Variants in LITAF observed in about 807,000 individuals in gnomAD.
LITAF encodes the protein lipopolysaccharide-induced tumor necrosis factor-alpha factor.
LITAF carries 9 observed loss-of-function variants against 14.5 expected under a neutral mutation model. The observed-to-expected ratio is 0.62, with a 90% CI of 0.37 to 1.08. The LOEUF (loss-of-function observed/expected upper bound fraction) is 1.08, where lower values mean the gene tolerates loss of function less well. LITAF is among the 50% of genes least tolerant of loss of function. The pLI is 0.01. For missense variants in LITAF, 206 were observed against 213.4 expected, an observed-to-expected ratio of 0.97 and a Z score of 0.22; for synonymous variants, 98 against 88.2, an observed-to-expected ratio of 1.11 and a Z score of -0.62.
intron 3 of LITAF, among the ~76,000 whole-genome samples, chr16:11,552,807 C>A (rs901394977): frequency 1.4e-4 from 22 of 152,080 alleles, no homozygotes; most frequent in Admixed American, 2.6e-4. Context: ...GCACAGGACA[C>A]CCCCTACAAT....
intron 1 of LITAF, among the ~76,000 whole-genome samples, chr16:11,596,023 C>T (rs921016243): frequency 1.1e-4 from 17 of 152,268 alleles, no homozygotes; most frequent in Admixed American, 7.2e-4. Context: ...CGGCCTGGCT[C>T]CAAGTCCATG....
In LITAF at chr16:11,548,004, G is replaced by C; in HGVS notation, c.*1633C>G. On this transcript the variant is annotated 3_prime_UTR_variant, in exon 4 of 4. Coordinates refer to ENST00000622633, the MANE Select transcript of LITAF (RefSeq NM_001136472.2). Reference sequence around the variant, plus strand: ...AAAAGAACTCATAAATAGTTCACCGGGTGAACCAAAGACTTTATTTTTCAA... The same window carrying C: ...AAAAGAACTCATAAATAGTTCACCGCGTGAACCAAAGACTTTATTTTTCAA... 4 of 454,024 alleles carry C rather than the reference G, an allele frequency of 8.8e-6. No individual in the cohort carries two copies. Among genetic ancestry groups the C allele is most frequent in the South Asian group, 3.1e-5 (2 of 64,476 alleles). The allele number at this position is 454,024 out of a possible 1,614,324, so 28.1% of individuals were successfully genotyped here.
chr16:11,636,505 C>A (rs2065138932), upstream of LITAF: 1 of 152,320 alleles, frequency 6.6e-6, no homozygotes, highest in Admixed American at 6.5e-5. Flanking sequence ...CTGGTTAGGA[C>A]TAGGTGTACC....
chr16:11,630,043 G>T (rs556353867), intron 3 of LITAF, among the ~76,000 whole-genome samples: 2 of 152,142 alleles, frequency 1.3e-5, no homozygotes, highest in Non-Finnish European at 2.9e-5. Context: ...GGTGCTCAGC[G>T]CACTTCTATC....
At chr16:11,616,898 C>T (rs1046780916) in intron 3 of LITAF, among the ~76,000 whole-genome samples, 4 of 118,402 alleles carry the variant, frequency 3.4e-5, no homozygotes, top group African/African-American at 1.4e-4. Flanking sequence ...GGAAAGAGAG[C>T]AAGACTCTAT....
In LITAF at chr16:11,595,384, C is replaced by A. The variant is rs569584164; in HGVS notation, c.-6+3004G>T. The stretch of plus-strand genomic sequence containing the variant: ...CAAGATGGAGCTGAAACGGGGTGAG[C>A]TCATGGGCAGAGGGAGGCTTTAGGG... On this transcript the variant is annotated intron_variant, in intron 1 of 3. Transcript: ENST00000571627. Among the ~76,000 whole-genome samples, 16 of 152,208 alleles carry A rather than the reference C, an allele frequency of 1.1e-4. No individual in the cohort carries two copies. The South Asian group carries it at 3.3e-3, about 32-fold the overall frequency.
At chr16:11,595,042 A>C (rs949879385) in intron 1 of LITAF, among the ~76,000 whole-genome samples, 7 of 152,166 alleles carry the variant, frequency 4.6e-5, no homozygotes, top group Non-Finnish European at 7.3e-5. Context: ...TTATTGAAAA[A>C]AACTAATCTC....
intron 1 of LITAF, among the ~76,000 whole-genome samples, chr16:11,572,491 T>A (rs942221968): frequency 6.6e-6 from 1 of 151,014 alleles, no homozygotes; most frequent in African/African-American, 2.5e-5. Context: ...ATCACACACC[T>A]GCTGACGGGA....
chr16:11,633,025 G>A (rs1239562730), intron 3 of LITAF, among the ~76,000 whole-genome samples: 2 of 152,166 alleles, frequency 1.3e-5, no homozygotes, highest in African/African-American at 4.8e-5. Flanking sequence ...CCCTCTTGGA[G>A]GCCCTACTTT....
At chr16:11,567,767 T>C (rs904516576) in intron 1 of LITAF, among the ~76,000 whole-genome samples, 1 of 151,780 alleles carries the variant, frequency 6.6e-6, no homozygotes, top group African/African-American at 2.4e-5. Flanking sequence ...GGCGGATCAC[T>C]GGAGGTCAGG....
chr16:11,556,525 G>A lies in LITAF; in HGVS notation c.206C>T (p.Pro69Leu). The A allele has an allele frequency of 6.2e-7, 1 of 1,613,866 alleles. No individual in the cohort carries two copies. Among genetic ancestry groups the A allele is most frequent in the Non-Finnish European group, 8.5e-7 (1 of 1,179,778 alleles). ...GCCACACGTACTTGGATTGTTATTG[G>A]GGATGGGCGCTGGCTGGGTATAATA... ...PSYYTQPAPI[P>L]NNNPITVQTV... is the part of the protein sequence containing the mutation. Residue 69 changes from proline to leucine, a missense_variant, in exon 2 of 4, where the codon CCC (proline) becomes CTC (leucine). Coordinates refer to ENST00000622633, the MANE Select transcript of LITAF (RefSeq NM_001136472.2).
upstream of LITAF, among the ~76,000 whole-genome samples, chr16:11,638,969 G>T (rs2065153925): frequency 2.0e-5 from 3 of 152,010 alleles, no homozygotes; most frequent in Admixed American, 2.0e-4. Context: ...AAGGAAATGG[G>T]TACTGACGTC....
upstream of LITAF, among the ~76,000 whole-genome samples, chr16:11,639,810 C>G (rs879479205): frequency 6.6e-5 from 10 of 152,098 alleles, no homozygotes; most frequent in Non-Finnish European, 1.5e-4. Flanking sequence ...GCCTGGCCAA[C>G]ATGGTGAAAC....
In LITAF at chr16:11,632,813, C is replaced by T. The variant is rs988275712; in HGVS notation, c.85+720G>A. On this transcript the variant is annotated intron_variant, in intron 3 of 3. Transcript: ENST00000574848. The surrounding 1 kb of genome is among the most constrained non-coding windows in gnomAD (Gnocchi z 4.8). ...GCACGGGTCAGAGTTTTCCGTGTGCCGCCTCCTCGTCCTTCTTCTTCTGCC... is the reference window on the plus strand; with the variant it reads ...GCACGGGTCAGAGTTTTCCGTGTGCTGCCTCCTCGTCCTTCTTCTTCTGCC... Among the ~76,000 whole-genome samples, 3 of 151,762 alleles carry T rather than the reference C, an allele frequency of 2.0e-5. No individual in the cohort carries two copies. Among genetic ancestry groups the T allele is most frequent in the Non-Finnish European group, 2.9e-5 (2 of 68,026 alleles).
intron 1 of LITAF, among the ~76,000 whole-genome samples, chr16:11,594,799 C>A (rs534259502): frequency 1.3e-5 from 2 of 151,986 alleles, no homozygotes; most frequent in African/African-American, 4.8e-5. Context: ...TCATTTGAAC[C>A]CAGGAGGTGG....
At position 11,577,341 on chromosome 16, in the gene LITAF, G is replaced by A. The variant is rs184409724; in HGVS notation, c.-6+9545C>T. Among the ~76,000 whole-genome samples, 914 of 133,044 alleles carry A rather than the reference G, an allele frequency of 6.9e-3. 13 individuals carry two copies. The highest frequency in any genetic ancestry group is 0.016 in the Middle Eastern group (3 of 190). 87.3% of individuals were successfully genotyped at this position (133,044 alleles called of 152,430 possible). On this transcript the variant is annotated intron_variant, in intron 1 of 3. Coordinates refer to ENST00000622633, the MANE Select transcript of LITAF (RefSeq NM_001136472.2). ...ATTTTTTTTTTTTTTTTTTTGAGAC[G>A]GAGTCTCCCTCTGTTGCCCAGGCTG... is the stretch of plus-strand genomic sequence containing the variant.
chr16:11,572,477 T>TGACATCACACACCTGCTGACGG (rs1288954167), intron 1 of LITAF, among the ~76,000 whole-genome samples: 28 of 151,790 alleles, frequency 1.8e-4, no homozygotes, highest in African/African-American at 5.1e-4. Flanking sequence ...AGAAGTCACA[T>TGACATCACACACCTGCTGACGG]GACATCACAC....
chr16:11,602,292 G>A (rs1053087832), upstream of LITAF, among the ~76,000 whole-genome samples: 2 of 152,262 alleles, frequency 1.3e-5, no homozygotes, highest in African/African-American at 2.4e-5. Flanking sequence ...GGAGGCGGAG[G>A]TTACAGTGAG....
At chr16:11,576,079 G>A (rs1407046554) in intron 1 of LITAF, among the ~76,000 whole-genome samples, 1 of 152,030 alleles carries the variant, frequency 6.6e-6, no homozygotes, top group Non-Finnish European at 1.5e-5. Context: ...TGTAGAGACG[G>A]GGTCTCACTA....
Sources: allele counts gnomAD v4.1 joint callset (sites outside exome capture counted in the v4.1 genomes callset), GRCh38; gene constraint gnomAD v4.1.1; non-coding constraint Gnocchi (gnomAD v3.1); transcripts MANE v1.5; gene names NCBI Gene and HGNC (gene_info 2026-07-23, HGNC 2026-07-21).